GALNT16: variants seen among roughly 807,000 people sequenced by gnomAD.
The protein encoded by GALNT16 is polypeptide N-acetylgalactosaminyltransferase 16.
In GALNT16, 40 loss-of-function variants were observed where a neutral mutation model predicts 76.1. The ratio of observed to expected loss-of-function variants is 0.53; its 90% CI spans 0.41 to 0.68. GALNT16 has a LOEUF of 0.68. GALNT16 is among the 30% of genes least tolerant of loss of function. GALNT16 has a pLI of 0.00. For missense variants in GALNT16, 621 were observed against 731.9 expected (o/e 0.85, Z 1.75); for synonymous variants, 276 against 285.2 (o/e 0.97, Z 0.32).
At chr14:69,276,601 T>C (rs1294783564) in intron 1 of GALNT16, among the ~76,000 whole-genome samples, 1 of 151,210 alleles carries the variant, frequency 6.6e-6, no homozygotes, top group Non-Finnish European at 1.5e-5. Flanking sequence ...GAATCGCTTG[T>C]ACCCAGGAGG....
In GALNT16 at chr14:69,333,694, T is replaced by C. The variant is rs2045384882; in HGVS notation, c.967+94T>C. ...ACTTTCTATGCGTGAGGACCTGCTC[T>C]AAGGACTTTACACACATGAGGTCAT... On this transcript the variant is annotated intron_variant, in intron 9 of 14. Transcript: ENST00000448469. The surrounding 1 kb of genome is among the most constrained non-coding windows in gnomAD (Gnocchi z 4.2). 1 of 711,416 alleles carries C rather than the reference T, an allele frequency of 1.4e-6. No individual in the cohort carries two copies. The highest frequency in any genetic ancestry group is 2.5e-5 in the East Asian group (1 of 39,542). 44.1% of individuals were successfully genotyped at this position (711,416 alleles called of 1,614,324 possible). A position where few individuals can be genotyped will look rare whatever the true frequency, so the allele number is the denominator to read the frequency against.
chr14:69,282,062 G>A (rs556704467), intron 1 of GALNT16, among the ~76,000 whole-genome samples: 1 of 152,328 alleles, frequency 6.6e-6, no homozygotes, highest in South Asian at 2.1e-4. Flanking sequence ...CAGCCTTGAC[G>A]AAGACGATGT....
chr14:69,279,706 A>C (rs1295301738), intron 1 of GALNT16, among the ~76,000 whole-genome samples: 1 of 152,242 alleles, frequency 6.6e-6, no homozygotes, highest in East Asian at 1.9e-4. Flanking sequence ...GAATCTTTGA[A>C]GATGAGCGTG....
At chr14:69,349,891 T>C (rs910186479) in intron 14 of GALNT16, 1 of 152,110 alleles carries the variant, frequency 6.6e-6, no homozygotes, top group African/African-American at 2.4e-5. Flanking sequence ...TTCCTAATGA[T>C]TGGGTGATTC....
At chr14:69,311,291 G>A (rs572013474) in intron 1 of GALNT16, among the ~76,000 whole-genome samples, 13 of 152,282 alleles carry the variant, frequency 8.5e-5, no homozygotes, top group Admixed American at 2.6e-4. Flanking sequence ...GTGAAAGGGC[G>A]TAAAGGTGTG....
the GALNT16 span, among the ~76,000 whole-genome samples, chr14:69,376,085 G>A: frequency 1.3e-5 from 2 of 151,888 alleles, no homozygotes; most frequent in Admixed American, 1.3e-4. Context: ...TATCCAGGCT[G>A]GAGTACAGTG....
chr14:69,353,098 C>T lies in GALNT16; in HGVS notation c.*930C>T, dbSNP rs1272009197. ...CCCACTGAAAGGACGGGTAGCCACA[C>T]ACATCCCTGAGTAGTCCCAGCCTCA... On this transcript the variant is annotated 3_prime_UTR_variant, in exon 15 of 15. Transcript: ENST00000448469. 6.6e-6 allele frequency among the ~76,000 whole-genome samples: 1 copy of T among 152,220 alleles called. No individual in the cohort carries two copies. The highest frequency in any genetic ancestry group is 6.5e-5 in the Admixed American group (1 of 15,288).
intron 14 of GALNT16, chr14:69,351,495 GAC>G (rs2045636122): frequency 6.6e-6 from 1 of 152,516 alleles, no homozygotes; most frequent in Admixed American, 6.5e-5. Context: ...CTCTGATCTG[GAC>G]AGGAACTTCT....
chr14:69,296,729 GATAGATA>G (rs2044767208), intron 1 of GALNT16, among the ~76,000 whole-genome samples: 1 of 6,668 alleles, frequency 1.5e-4, no homozygotes. Flanking sequence ...ACAGATAGAT[GATAGATA>G]GATAGATAGA....
intron 9 of GALNT16, among the ~76,000 whole-genome samples, chr14:69,334,560 A>T (rs924247677): frequency 3.9e-5 from 6 of 152,126 alleles, no homozygotes; most frequent in Admixed American, 3.3e-4. Flanking sequence ...GGATAGAGGG[A>T]ACCATAGGGA....
chr14:69,311,451 G>A (rs1334087476), intron 1 of GALNT16, among the ~76,000 whole-genome samples: 4 of 152,212 alleles, frequency 2.6e-5, no homozygotes, highest in African/African-American at 7.2e-5. Context: ...GGACATATTC[G>A]AACCACAGCA....
chr14:69,273,219 G>C (rs1383917780), intron 1 of GALNT16, among the ~76,000 whole-genome samples: 1 of 150,888 alleles, frequency 6.6e-6, no homozygotes, highest in African/African-American at 2.5e-5. Context: ...AGCTCTTGCT[G>C]TGATGAAAAT....
At chr14:69,301,570 T>C (rs1282581687) in intron 1 of GALNT16, among the ~76,000 whole-genome samples, 1 of 152,134 alleles carries the variant, frequency 6.6e-6, no homozygotes, top group Admixed American at 6.5e-5. Flanking sequence ...GCCAGGCTGA[T>C]CTCAGAGACT....
intron 1 of GALNT16, among the ~76,000 whole-genome samples, chr14:69,280,678 C>G (rs1347457525): frequency 6.6e-6 from 1 of 152,128 alleles, no homozygotes; most frequent in African/African-American, 2.4e-5. Flanking sequence ...AGAGTGCCCA[C>G]CCCTAGAAAG....
At chr14:69,355,041 A>G (rs2045683021), downstream of GALNT16, 1 of 152,244 alleles carries the variant, frequency 6.6e-6, no homozygotes, top group South Asian at 2.1e-4. Context: ...TAATGTTCCC[A>G]TGGAAACCAA....
At chr14:69,336,896 T>C (rs1011792889) in intron 9 of GALNT16, among the ~76,000 whole-genome samples, 4 of 151,700 alleles carry the variant, frequency 2.6e-5, no homozygotes, top group Non-Finnish European at 5.9e-5. Context: ...GGATAATTTC[T>C]TTTGCATTTT....
intron 14 of GALNT16, chr14:69,350,546 T>C (rs2045622523): frequency 6.6e-6 from 1 of 152,244 alleles, no homozygotes; most frequent in East Asian, 1.9e-4. Flanking sequence ...GCGGGGGCCA[T>C]GTGGGCCCAG....
chr14:69,305,779 G>A (rs535487226), intron 1 of GALNT16, among the ~76,000 whole-genome samples: 5 of 151,934 alleles, frequency 3.3e-5, no homozygotes, highest in Non-Finnish European at 5.9e-5. Flanking sequence ...GATTTAATCC[G>A]GCTTTGTTTA....
the GALNT16 span, among the ~76,000 whole-genome samples, chr14:69,383,965 T>C: frequency 2.6e-5 from 4 of 152,132 alleles, no homozygotes; most frequent in Admixed American, 6.5e-5. Flanking sequence ...CTGGGTAATA[T>C]AGCAAGACCC....
Sources: allele counts gnomAD v4.1 joint callset (sites outside exome capture counted in the v4.1 genomes callset), GRCh38; gene constraint gnomAD v4.1.1; non-coding constraint Gnocchi (gnomAD v3.1); transcripts MANE v1.5; gene names NCBI Gene and HGNC (gene_info 2026-07-23, HGNC 2026-07-21).